Variants in TNIK observed in about 807,000 individuals in gnomAD.
TNIK encodes the protein TRAF2 and NCK-interacting protein kinase.
A neutral mutation model predicts 191.3 loss-of-function variants in TNIK; 49 were observed. That is an observed-to-expected ratio of 0.26 (90% CI 0.20 to 0.32). TNIK has a LOEUF of 0.32. Ranked by LOEUF, TNIK falls within the 10% of genes least tolerant of loss-of-function variation. The pLI is 1.00. For synonymous variants in TNIK, 594 were observed against 600.9 expected, an observed-to-expected ratio of 0.99 and a Z score of 0.17; for missense variants, 1,155 against 1,702.3, an observed-to-expected ratio of 0.68 and a Z score of 5.66.
intron 1 of TNIK, among the ~76,000 whole-genome samples, chr3:171,431,319 G>A (rs983132326): frequency 1.3e-5 from 2 of 151,980 alleles, no homozygotes; most frequent in African/African-American, 2.4e-5. Context: ...AGATCTTGAC[G>A]TATTTTTATA....
intron 8 of TNIK, among the ~76,000 whole-genome samples, chr3:171,176,478 G>A (rs1735970290): frequency 6.6e-6 from 1 of 152,212 alleles, no homozygotes; most frequent in Non-Finnish European, 1.5e-5. Flanking sequence ...AAGGAGCCAG[G>A]CAGTATGGGA....
intron 2 of TNIK, among the ~76,000 whole-genome samples, chr3:171,243,701 T>G (rs895613511): frequency 1.3e-5 from 2 of 152,250 alleles, no homozygotes; most frequent in African/African-American, 4.8e-5. Context: ...TCATTTTTAA[T>G]GGATTTTACT....
At chr3:171,133,442 A>G (rs558952552) in intron 15 of TNIK, among the ~76,000 whole-genome samples, 1 of 152,330 alleles carries the variant, frequency 6.6e-6, no homozygotes, top group East Asian at 1.9e-4. Context: ...CAAAATAGGA[A>G]TATGTTGAAT....
intron 1 of TNIK, among the ~76,000 whole-genome samples, chr3:171,377,076 G>A (rs577238526): frequency 2.6e-5 from 4 of 152,274 alleles, no homozygotes; most frequent in East Asian, 3.9e-4. Flanking sequence ...GTCAAGCATC[G>A]TCTTTTGGGA....
intron 2 of TNIK, among the ~76,000 whole-genome samples, chr3:171,325,784 G>T (rs1755686013): frequency 6.6e-6 from 1 of 152,204 alleles, no homozygotes; most frequent in Non-Finnish European, 1.5e-5. Flanking sequence ...TTTATTTGGG[G>T]ATTTGATTCA....
intron 1 of TNIK, among the ~76,000 whole-genome samples, chr3:171,388,884 A>T (rs1719084801): frequency 6.6e-6 from 1 of 152,208 alleles, no homozygotes. Flanking sequence ...TACTTGAAGT[A>T]CATACAGTTT....
rs147597472 is a variant in TNIK, at chr3:171,205,987, G to T, written c.306+5129C>A. On this transcript the variant is annotated intron_variant, in intron 4 of 32. Transcript: ENST00000436636. ...GTTAGGATTTCAATATATGAATTTTGGGGGCACACAAATGTTTAGTCCATA... is the reference window on the plus strand; with the variant it reads ...GTTAGGATTTCAATATATGAATTTTTGGGGCACACAAATGTTTAGTCCATA... 3.2e-3 allele frequency among the ~76,000 whole-genome samples: 488 copies of T among 152,180 alleles called. 3 individuals are homozygous for T. The highest frequency in any genetic ancestry group is 0.012 in the African/African-American group (478 of 41,528).
intron 2 of TNIK, among the ~76,000 whole-genome samples, chr3:171,334,933 C>CT (rs1756800770): frequency 6.9e-6 from 1 of 145,302 alleles, no homozygotes. Flanking sequence ...ATCTATTATT[C>CT]TACTAGCGCT....
intron 15 of TNIK, among the ~76,000 whole-genome samples, chr3:171,132,115 CAT>C: frequency 6.6e-6 from 1 of 152,148 alleles, no homozygotes; most frequent in Non-Finnish European, 1.5e-5. Context: ...TCCAAGAAGA[CAT>C]AAAATGCCAG....
intron 1 of TNIK, among the ~76,000 whole-genome samples, chr3:171,375,549 G>A (rs35704415): frequency 0.038 from 5,785 of 152,244 alleles, 325 homozygotes; most frequent in African/African-American, 0.13. Flanking sequence ...ATGAAATTTA[G>A]ATGGCATTGG....
At chr3:171,104,857 T>C (rs934134377) in intron 21 of TNIK, among the ~76,000 whole-genome samples, 1 of 152,160 alleles carries the variant, frequency 6.6e-6, no homozygotes, top group African/African-American at 2.4e-5. Flanking sequence ...TCTAAATTGA[T>C]GTGCTTTGAA....
At chr3:171,214,517 G>A (rs950812254) in intron 3 of TNIK, among the ~76,000 whole-genome samples, 18 of 152,172 alleles carry the variant, frequency 1.2e-4, no homozygotes, top group South Asian at 2.1e-4. Flanking sequence ...AATTTGAATA[G>A]CCTCTATTTG....
chr3:171,154,673 G>A (rs1215385054), intron 12 of TNIK, among the ~76,000 whole-genome samples: 1 of 152,198 alleles, frequency 6.6e-6, no homozygotes, highest in Non-Finnish European at 1.5e-5. Context: ...AAAACAAGAT[G>A]TATTTTGTTT....
At chr3:171,396,471 G>A (rs1036941993) in intron 1 of TNIK, among the ~76,000 whole-genome samples, 3 of 152,168 alleles carry the variant, frequency 2.0e-5, no homozygotes, top group East Asian at 1.9e-4. Flanking sequence ...TACACAATAC[G>A]TAGGAGTAGA....
intron 1 of TNIK, among the ~76,000 whole-genome samples, chr3:171,441,609 C>A (rs7624295): frequency 6.6e-6 from 1 of 152,020 alleles, no homozygotes; most frequent in African/African-American, 2.4e-5. Flanking sequence ...TGATGCTCCT[C>A]ATGAACACTC....
intron 2 of TNIK, among the ~76,000 whole-genome samples, chr3:171,349,535 G>A (rs1482837568): frequency 6.6e-6 from 1 of 152,180 alleles, no homozygotes; most frequent in Non-Finnish European, 1.5e-5. Flanking sequence ...TTCAGGGTGA[G>A]GAAGAAGCTG....
rs539673754 is a variant in TNIK at position 171,426,366 on chromosome 3, G to A, written c.57+33641C>T. Among the ~76,000 whole-genome samples the A allele has an allele frequency of 4.2e-3, 599 of 140,996 alleles. 3 individuals carry two copies. The highest frequency in any genetic ancestry group is 0.015 in the African/African-American group (554 of 37,876). 92.5% of individuals were successfully genotyped at this position (140,996 alleles called of 152,430 possible). A position where few individuals can be genotyped will look rare whatever the true frequency, so the allele number is the denominator to read the frequency against. ...TGGGAATTGAACAATGAGAACACTC[G>A]GACACAGGAAGGGGAACATCACACA... On this transcript the variant is annotated intron_variant, in intron 1 of 32. Coordinates refer to ENST00000436636, the MANE Select transcript of TNIK (RefSeq NM_015028.4).
intron 2 of TNIK, among the ~76,000 whole-genome samples, chr3:171,340,618 C>T (rs1251016672): frequency 6.6e-6 from 1 of 152,160 alleles, no homozygotes; most frequent in Non-Finnish European, 1.5e-5. Context: ...ACTCCTTTCT[C>T]CCACAAGGCT....
intron 2 of TNIK, among the ~76,000 whole-genome samples, chr3:171,291,314 T>C (rs1451481146): frequency 6.6e-6 from 1 of 152,214 alleles, no homozygotes; most frequent in East Asian, 1.9e-4. Flanking sequence ...TACACAGATA[T>C]CTGCCATTTC....
Sources: gnomAD v4.1 joint callset for allele counts (sites outside exome capture counted in the v4.1 genomes callset) on GRCh38, gnomAD v4.1.1 for gene constraint, MANE v1.5 for transcripts, NCBI Gene and HGNC (gene_info 2026-07-23, HGNC 2026-07-21) for gene names.